CD163L1: variants seen among roughly 807,000 people sequenced by gnomAD.
The protein encoded by CD163L1 is scavenger receptor cysteine-rich type 1 protein M160.
A neutral mutation model predicts 165.4 loss-of-function variants in CD163L1; 124 were observed. That is an observed-to-expected ratio of 0.75 (90% CI 0.65 to 0.87). The LOEUF (loss-of-function observed/expected upper bound fraction) is 0.87. Among genes scored for constraint, CD163L1 ranks in the 40% least tolerant of loss-of-function variants. The pLI, the probability that CD163L1 is intolerant of heterozygous loss-of-function variation, is 0.00. For synonymous variants in CD163L1, 585 were observed against 662.2 expected, an observed-to-expected ratio of 0.88 and a Z score of 1.79; for missense variants, 1,525 against 1,799.9, an observed-to-expected ratio of 0.85 and a Z score of 2.76.
At chr12:7,441,726 T>C (rs1948833738) in intron 1 of CD163L1, among the ~76,000 whole-genome samples, 1 of 152,252 alleles carries the variant, frequency 6.6e-6, no homozygotes, top group Admixed American at 6.5e-5. Context: ...TGTTCTTGCC[T>C]GTATTCCACT....
intron 8 of CD163L1, among the ~76,000 whole-genome samples, chr12:7,381,633 A>G (rs1339560341): frequency 1.3e-5 from 2 of 152,180 alleles, no homozygotes; most frequent in Non-Finnish European, 2.9e-5. Flanking sequence ...AAGTAAAAAG[A>G]AATTTTTTTA....
intron 8 of CD163L1, among the ~76,000 whole-genome samples, chr12:7,381,850 G>A (rs1479530386): frequency 2.0e-5 from 3 of 151,748 alleles, no homozygotes; most frequent in African/African-American, 4.8e-5. Flanking sequence ...CTGCTTTGTA[G>A]CAACATATTC....
chr12:7,403,889 G>C, intron 5 of CD163L1, 34 bp from the exon 6 acceptor site: 3 of 1,586,938 alleles, frequency 1.9e-6, no homozygotes, highest in Non-Finnish European at 2.6e-6. Flanking sequence ...GTCTGAATTG[G>C]GTTTGGGACA....
chr12:7,398,398 T>G lies in CD163L1; in HGVS notation c.1595A>C (p.Lys532Thr). The G allele has an allele frequency of 6.2e-7, 1 of 1,614,170 alleles. No homozygotes were observed. The change falls in exon 7 of 20, where the codon AAA becomes ACA. Residue 532 changes from lysine to threonine, a missense_variant. By Grantham distance (78) the Lys-to-Thr change is moderately conservative. Transcript: ENST00000313599. This position sits in a 1 kb window ranked among gnomAD's most constrained non-coding sequence, Gnocchi z 4.5. ...PLHVFGMTYFKEASGPIWLDD... is the reference protein window; with the variant it reads ...PLHVFGMTYFTEASGPIWLDD... ...CAGCCAAATAGGTCCTGATGCTTCT[T>G]TAAAATAGGTCATACCAAACACATG...
rs746544481 is a variant in CD163L1, at chr12:7,403,576, C to G, written c.1367G>C (p.Arg456Pro). The change falls in exon 6 of 20, where the codon CGA (arginine) becomes CCA (proline). Residue 456 changes from arginine to proline, a missense_variant. Coordinates refer to ENST00000313599, the MANE Select transcript of CD163L1 (RefSeq NM_174941.6). ...WDCTYDGKAK[R>P]TCFRRSDAGV... ...AGCATCTGATCTTCGGAAGCATGTT[C>G]GCTTTGCTTTTCCATCATATGTGCA... The G allele has an allele frequency of 6.2e-7, 1 of 1,613,746 alleles. No homozygotes were observed. The highest frequency in any genetic ancestry group is 8.5e-7 in the Non-Finnish European group (1 of 1,179,898).
chr12:7,327,583 G>A, the CD163L1 span, among the ~76,000 whole-genome samples: 2 of 152,148 alleles, frequency 1.3e-5, no homozygotes, highest in East Asian at 3.8e-4. Flanking sequence ...ACAATACTAC[G>A]TAAATACATG....
In CD163L1 at chr12:7,433,577, G is replaced by A. The variant is rs1236105240; in HGVS notation, c.242C>T (p.Ala81Val). The A allele has an allele frequency of 6.2e-7, 1 of 1,614,000 alleles. No homozygotes were observed. The highest frequency in any genetic ancestry group is 1.3e-5 in the African/African-American group (1 of 74,908). Residue 81 changes from alanine to valine, a missense_variant, in exon 3 of 20, where the codon GCC (alanine) becomes GTC (valine). Coordinates refer to ENST00000313599, the MANE Select transcript of CD163L1 (RefSeq NM_174941.6). Reference protein sequence around the residue: ...TVCDDGWNTTASTVVCKQLGC... With the variant: ...TVCDDGWNTTVSTVVCKQLGC... The stretch of plus-strand genomic sequence containing the variant: ...AAGCTGTTTGCACACGACAGTTGAG[G>A]CAGTAGTGTTCCACCCATCATCACA...
intron 8 of CD163L1, among the ~76,000 whole-genome samples, chr12:7,380,295 G>GTGTATACACGTATACATACATGTA (rs1565783998): frequency 2.6e-5 from 2 of 77,924 alleles, no homozygotes; most frequent in East Asian, 4.0e-4. Context: ...GTGTGTGTGT[G>GTGTATACACGTATACATACATGTA]TGTGTGTATA....
chr12:7,380,418 T>TGC (rs1428305330), intron 8 of CD163L1, among the ~76,000 whole-genome samples: 2 of 145,640 alleles, frequency 1.4e-5, no homozygotes, highest in African/African-American at 2.5e-5. Context: ...TGTGTGTATA[T>TGC]ATATACACAT....
chr12:7,419,583 T>C (rs1948309071), intron 4 of CD163L1, among the ~76,000 whole-genome samples: 1 of 152,050 alleles, frequency 6.6e-6, no homozygotes, highest in Non-Finnish European at 1.5e-5. Flanking sequence ...TGCTTGCTGA[T>C]ATGATCATAT....
Position 7,369,739 on chromosome 12 carries a change from G to A in CD163L1, c.3731-74C>T. The A allele has an allele frequency of 7.4e-7, 1 of 1,355,402 alleles. No individual in the cohort carries two copies. Among genetic ancestry groups the A allele is most frequent in the African/African-American group, 1.4e-5 (1 of 69,532 alleles). The allele number at this position is 1,355,402 out of a possible 1,614,324, so 84.0% of individuals were successfully genotyped here. On this transcript the variant is annotated intron_variant, in intron 14 of 19. Transcript: ENST00000313599. The surrounding 1 kb of genome is among the most constrained non-coding windows in gnomAD (Gnocchi z 4.9). ...GGAGAATGCTGAGGTAGAAAAACTTGAAAGTAGCAAATGTGCTTGATGAAT... is the reference window on the plus strand; with the variant it reads ...GGAGAATGCTGAGGTAGAAAAACTTAAAAGTAGCAAATGTGCTTGATGAAT...
chr12:7,414,490 T>C (rs1948198749), intron 4 of CD163L1, among the ~76,000 whole-genome samples: 1 of 151,982 alleles, frequency 6.6e-6, no homozygotes, highest in Non-Finnish European at 1.5e-5. Context: ...AATTAACCAA[T>C]ATATGCATTA....
chr12:7,346,716 A>T (rs150406767), exon 5 of CD163L1: 2 of 152,354 alleles, frequency 1.3e-5, no homozygotes, highest in African/African-American at 4.8e-5. Context: ...AATTATGCTT[A>T]CAAAACCCTC....
chr12:7,322,665 A>G, the CD163L1 span: 1 of 1,246,708 alleles, frequency 8.0e-7, no homozygotes. Flanking sequence ...GGGATACCTC[A>G]CCTTGCCAGT....
chr12:7,424,307 C>T (rs1485978643), intron 4 of CD163L1, among the ~76,000 whole-genome samples: 1 of 149,248 alleles, frequency 6.7e-6, no homozygotes, highest in Non-Finnish European at 1.5e-5. Flanking sequence ...AAAAAACTCT[C>T]AATAAACTAG....
chr12:7,355,435 A>G (rs1458413437), intron 19 of CD163L1, among the ~76,000 whole-genome samples: 1 of 152,192 alleles, frequency 6.6e-6, no homozygotes, highest in Non-Finnish European at 1.5e-5. Flanking sequence ...AAAGGAAGGT[A>G]TGATTACATA....
At chr12:7,426,985 G>T (rs1212661157) in intron 4 of CD163L1, among the ~76,000 whole-genome samples, 1 of 152,066 alleles carries the variant, frequency 6.6e-6, no homozygotes, top group Non-Finnish European at 1.5e-5. Context: ...TGATAAAGGG[G>T]TTAATTCATC....
At chr12:7,431,365 C>A (rs1383008654) in intron 4 of CD163L1, among the ~76,000 whole-genome samples, 1 of 151,266 alleles carries the variant, frequency 6.6e-6, no homozygotes, top group African/African-American at 2.4e-5. Flanking sequence ...TGCAGTGAGC[C>A]GAGATCATGC....
rs759196232 is a variant in CD163L1 at position 7,406,521 on chromosome 12, G to A, written c.1087+11C>T. 167 of 1,608,048 alleles carry A rather than the reference G, an allele frequency of 1.0e-4. No individual in the cohort carries two copies. Among genetic ancestry groups the A allele is most frequent in the Non-Finnish European group, 1.3e-4 (154 of 1,178,534 alleles). ...TTTTATCTGATGTAATCATGTGGATGTAAGTCTTACCTGAGCAGATCACAG... is the reference window on the plus strand; with the variant it reads ...TTTTATCTGATGTAATCATGTGGATATAAGTCTTACCTGAGCAGATCACAG... On this transcript the variant is annotated intron_variant, in intron 5 of 19. Coordinates refer to ENST00000313599, the MANE Select transcript of CD163L1 (RefSeq NM_174941.6).
Sources: allele counts gnomAD v4.1 joint callset (sites outside exome capture counted in the v4.1 genomes callset), GRCh38; gene constraint gnomAD v4.1.1; non-coding constraint Gnocchi (gnomAD v3.1); transcripts MANE v1.5; gene names NCBI Gene and HGNC (gene_info 2026-07-23, HGNC 2026-07-21).